Variants in CHCHD6 observed in about 807,000 individuals in gnomAD.
CHCHD6 encodes MICOS complex subunit MIC25.
CHCHD6 carries 28 observed loss-of-function variants against 32.3 expected under a neutral mutation model. The ratio of observed to expected loss-of-function variants is 0.87; its 90% CI spans 0.64 to 1.19. The LOEUF is 1.19. Ranked by LOEUF, CHCHD6 falls within the 50% of genes most tolerant of loss-of-function variation. The pLI, the probability that CHCHD6 is intolerant of heterozygous loss-of-function variation, is 0.00. For missense variants in CHCHD6, 333 were observed against 307.0 expected, an observed-to-expected ratio of 1.08 and a Z score of -0.63; for synonymous variants, 122 against 117.5, an observed-to-expected ratio of 1.04 and a Z score of -0.25.
intron 6 of CHCHD6, among the ~76,000 whole-genome samples, chr3:126,923,396 C>A (rs192592935): frequency 1.3e-5 from 2 of 152,356 alleles, no homozygotes; most frequent in Non-Finnish European, 2.9e-5. Context: ...TTATATATCT[C>A]CGTATCCCCA....
intron 4 of CHCHD6, among the ~76,000 whole-genome samples, chr3:126,809,298 C>G (rs1460621135): frequency 6.6e-6 from 1 of 152,094 alleles, no homozygotes; most frequent in Non-Finnish European, 1.5e-5. Flanking sequence ...TTGACGGGAC[C>G]CCTTCCGCCT....
chr3:126,767,279 A>G (rs372430561), intron 4 of CHCHD6: 2 of 1,250,798 alleles, frequency 1.6e-6, no homozygotes, highest in East Asian at 2.3e-5. Flanking sequence ...GCCAAGGCCC[A>G]GCTGCCCCAT....
chr3:126,871,467 A>G (rs2077469679), intron 5 of CHCHD6, among the ~76,000 whole-genome samples: 1 of 151,980 alleles, frequency 6.6e-6, no homozygotes, highest in Non-Finnish European at 1.5e-5. Context: ...AGGGATTCTC[A>G]GGGGTTTCAC....
intron 5 of CHCHD6, among the ~76,000 whole-genome samples, chr3:126,903,413 A>G (rs1320694150): frequency 2.0e-5 from 3 of 151,442 alleles, no homozygotes; most frequent in African/African-American, 7.3e-5. Context: ...GATTTTTTCT[A>G]CTCTTCTACT....
At chr3:126,740,270 C>T (rs1404260006) in intron 4 of CHCHD6, among the ~76,000 whole-genome samples, 2 of 152,120 alleles carry the variant, frequency 1.3e-5, no homozygotes, top group Non-Finnish European at 2.9e-5. Flanking sequence ...GCTTGGTGGT[C>T]AGTGGAAGGC....
intron 6 of CHCHD6, among the ~76,000 whole-genome samples, chr3:126,945,000 C>T (rs2107604805): frequency 6.6e-6 from 1 of 152,280 alleles, no homozygotes; most frequent in South Asian, 2.1e-4. Flanking sequence ...GTCTGGTCAC[C>T]ATGGGATGGG....
chr3:126,858,383 A>G (rs1174428603), intron 5 of CHCHD6, among the ~76,000 whole-genome samples: 1 of 152,088 alleles, frequency 6.6e-6, no homozygotes, highest in East Asian at 1.9e-4. Flanking sequence ...CTGAGAGTTC[A>G]TCTGGCTGTG....
At chr3:126,874,432 T>G (rs2077515058) in intron 5 of CHCHD6, among the ~76,000 whole-genome samples, 1 of 152,154 alleles carries the variant, frequency 6.6e-6, no homozygotes, top group South Asian at 2.1e-4. Context: ...CACAAGCAGC[T>G]GAGCCCGTCA....
intron 4 of CHCHD6, among the ~76,000 whole-genome samples, chr3:126,778,527 T>G (rs1043372252): frequency 1.3e-5 from 2 of 152,256 alleles, no homozygotes; most frequent in African/African-American, 4.8e-5. Context: ...ATGTTGAATA[T>G]CTTTTCATGT....
chr3:126,756,252 C>T (rs920253797), intron 4 of CHCHD6, among the ~76,000 whole-genome samples: 2 of 152,176 alleles, frequency 1.3e-5, no homozygotes, highest in Non-Finnish European at 2.9e-5. Context: ...TGGCAGAAGC[C>T]TCTTGGGTGA....
intron 6 of CHCHD6, among the ~76,000 whole-genome samples, chr3:126,932,891 G>A (rs1322589387): frequency 6.6e-6 from 1 of 152,212 alleles, no homozygotes; most frequent in Non-Finnish European, 1.5e-5. Context: ...AGCCCTGGCT[G>A]CCGCTGGGCT....
intron 3 of CHCHD6, 116 bp from the exon 4 acceptor site, chr3:126,732,962 G>T (rs2272488): frequency 8.8e-7 from 1 of 1,139,608 alleles, no homozygotes; most frequent in Non-Finnish European, 1.3e-6. Context: ...CTGACCAGCC[G>T]CTGGCTGGTT....
intron 4 of CHCHD6, among the ~76,000 whole-genome samples, chr3:126,802,751 A>G (rs1939147403): frequency 6.6e-6 from 1 of 152,206 alleles, no homozygotes; most frequent in Admixed American, 6.5e-5. Context: ...CAACTCCAAG[A>G]CACATAACTG....
chr3:126,749,618 G>A (rs1237319394), intron 4 of CHCHD6, among the ~76,000 whole-genome samples: 1 of 152,128 alleles, frequency 6.6e-6, no homozygotes, highest in Non-Finnish European at 1.5e-5. Context: ...CTGTCTAAAG[G>A]TAGTCCAAGA....
At chr3:126,705,023 C>A (rs1417063424) in intron 1 of CHCHD6, among the ~76,000 whole-genome samples, 1 of 152,194 alleles carries the variant, frequency 6.6e-6, no homozygotes, top group Non-Finnish European at 1.5e-5. Context: ...GCACCCGCAC[C>A]TCGTCCCCAG....
chr3:126,902,527 T>G (rs2077943549), intron 5 of CHCHD6, among the ~76,000 whole-genome samples: 1 of 151,952 alleles, frequency 6.6e-6, no homozygotes, highest in Non-Finnish European at 1.5e-5. Context: ...CCATCCTGGC[T>G]AACATGGTGA....
Position 126,947,265 on chromosome 3 carries a change from G to A in CHCHD6, c.567-10151G>A, listed in dbSNP as rs532944259. On this transcript the variant is annotated intron_variant, in intron 6 of 7. Coordinates refer to ENST00000290913, the MANE Select transcript of CHCHD6 (RefSeq NM_032343.3). Reference sequence around the variant, plus strand: ...GCTTTTCTTCCCACCTCATGTTGATGCTGCAGGCTGCCATGAGTTCATGTC... The same window carrying A: ...GCTTTTCTTCCCACCTCATGTTGATACTGCAGGCTGCCATGAGTTCATGTC... Among the ~76,000 whole-genome samples, 10 of 152,334 alleles carry A rather than the reference G, an allele frequency of 6.6e-5. No homozygotes were observed. In the South Asian group the frequency reaches 1.0e-3, roughly 16 times the overall value.
At chr3:126,820,031 T>C (rs966355896) in intron 4 of CHCHD6, among the ~76,000 whole-genome samples, 3 of 152,322 alleles carry the variant, frequency 2.0e-5, no homozygotes, top group Admixed American at 2.0e-4. Flanking sequence ...CTCTGCTACT[T>C]ACTGTATATT....
intron 5 of CHCHD6, among the ~76,000 whole-genome samples, chr3:126,871,370 G>T (rs546665572): frequency 6.6e-6 from 1 of 152,228 alleles, no homozygotes; most frequent in East Asian, 1.9e-4. Context: ...TCTTGTTCCT[G>T]GTTGGTTCCC....
Sources: gnomAD v4.1 joint callset for allele counts (sites outside exome capture counted in the v4.1 genomes callset) on GRCh38, gnomAD v4.1.1 for gene constraint, MANE v1.5 for transcripts, NCBI Gene and HGNC (gene_info 2026-07-23, HGNC 2026-07-21) for gene names.